COL5A2: variants seen among roughly 807,000 people sequenced by gnomAD.
COL5A2 encodes the protein collagen alpha-2(V) chain.
COL5A2 carries 23 observed loss-of-function variants against 208.2 expected under a neutral mutation model. The ratio of observed to expected loss-of-function variants is 0.11; its 90% CI spans 0.08 to 0.16. The LOEUF is 0.16. COL5A2 is among the 10% of genes least tolerant of loss of function. The pLI is 1.00. For synonymous variants in COL5A2, 625 were observed against 628.5 expected (o/e 0.99, Z 0.08); for missense variants, 1,590 against 1,956.4 (o/e 0.81, Z 3.53).
intron 8 of COL5A2, among the ~76,000 whole-genome samples, chr2:189,087,535 C>A (rs953251738): frequency 2.0e-5 from 3 of 151,824 alleles, no homozygotes; most frequent in Non-Finnish European, 4.4e-5. Context: ...GCGACCTGGG[C>A]TCACTGCAAG....
At chr2:189,221,709 T>C (rs1234722754) in intron 1 of COL5A2, among the ~76,000 whole-genome samples, 5 of 152,076 alleles carry the variant, frequency 3.3e-5, no homozygotes, top group African/African-American at 1.2e-4. Context: ...TCTTGACCCT[T>C]GCAAAGAAAG....
intron 1 of COL5A2, among the ~76,000 whole-genome samples, chr2:189,117,129 C>T (rs1026427793): frequency 5.9e-5 from 9 of 151,934 alleles, no homozygotes; most frequent in African/African-American, 2.2e-4. Flanking sequence ...AGTTTTTTTC[C>T]ATGTATCATT....
chr2:189,139,478 A>G (rs1687893653), intron 1 of COL5A2, among the ~76,000 whole-genome samples: 1 of 152,120 alleles, frequency 6.6e-6, no homozygotes, highest in Non-Finnish European at 1.5e-5. Context: ...AATCCTAAAA[A>G]ACAAGGAATG....
chr2:189,058,868 A>G lies in COL5A2; in HGVS notation c.2111T>C (p.Val704Ala), dbSNP rs542643688. The change falls in exon 32 of 54, where the codon GTT becomes GCT. Residue 704 changes from valine to alanine, a missense_variant. Val to Ala is a moderately conservative substitution (Grantham distance 64). Coordinates refer to ENST00000374866, the MANE Select transcript of COL5A2 (RefSeq NM_000393.5). ...ACTTACTCTAGGTCCTAACGGGCCA[A>G]CTGCTCCGGGATCTCCAGGAACACC... is the stretch of plus-strand genomic sequence containing the variant. ...DQGVPGDPGAVGPLGPRGERG... is the reference protein window; with the variant it reads ...DQGVPGDPGAAGPLGPRGERG... The G allele has an allele frequency of 3.9e-5, 63 of 1,613,200 alleles. No homozygotes were observed. In the African/African-American group the frequency reaches 7.1e-4, roughly 18 times the overall value.
chr2:189,402,960 G>A, the COL5A2 span, among the ~76,000 whole-genome samples: 1 of 152,108 alleles, frequency 6.6e-6, no homozygotes, highest in African/African-American at 2.4e-5. Flanking sequence ...GTCAATGGTC[G>A]TTTAAAGGGA....
At position 189,039,405 on chromosome 2, in the gene COL5A2, C is replaced by T. The variant is rs773058827; in HGVS notation, c.3792G>A (p.Thr1264=). The change falls in exon 51 of 54, where the codon ACG becomes ACA. Residue 1264 remains threonine (T), a synonymous_variant. Transcript: ENST00000374866. The stretch of plus-strand genomic sequence containing the variant: ...TCAGGGTAGCATGAACCCCTGGGTC[C>T]GTTTTGTTTTTGTCATCAGGAGCCG... ...DQAAPDDKNK[T]DPGVHATLKS... is the part of the protein sequence containing the mutation. 1.8e-5 allele frequency: 29 copies of T among 1,613,798 alleles called. No individual in the cohort carries two copies. The highest frequency in any genetic ancestry group is 4.0e-5 in the African/African-American group (3 of 74,810).
the COL5A2 span, among the ~76,000 whole-genome samples, chr2:189,300,600 T>C: frequency 1.3e-5 from 2 of 152,078 alleles, no homozygotes; most frequent in East Asian, 1.9e-4. Context: ...GGAGGAGAAA[T>C]AGACATGTCC....
chr2:189,181,872 G>T (rs965849630), upstream of COL5A2, among the ~76,000 whole-genome samples: 1 of 152,140 alleles, frequency 6.6e-6, no homozygotes, highest in African/African-American at 2.4e-5. Flanking sequence ...GTCTCTCATG[G>T]TTGCCACCAG....
chr2:189,249,805 T>G, the COL5A2 span, among the ~76,000 whole-genome samples: 29 of 152,272 alleles, frequency 1.9e-4, no homozygotes, highest in Non-Finnish European at 3.7e-4. Flanking sequence ...CAACTGATTC[T>G]CCTACCTCAG....
intron 1 of COL5A2, among the ~76,000 whole-genome samples, chr2:189,150,610 A>T (rs921966352): frequency 1.5e-4 from 23 of 152,174 alleles, no homozygotes; most frequent in Admixed American, 1.0e-3. Flanking sequence ...GGATTTCTTG[A>T]TATAACCTCC....
intron 1 of COL5A2, among the ~76,000 whole-genome samples, chr2:189,190,500 C>T (rs909878288): frequency 3.3e-5 from 5 of 152,180 alleles, no homozygotes; most frequent in Non-Finnish European, 2.9e-5. Context: ...AATTTATACA[C>T]ATTTATTTGT....
chr2:189,427,422 G>A, the COL5A2 span, among the ~76,000 whole-genome samples: 10 of 152,264 alleles, frequency 6.6e-5, no homozygotes, highest in South Asian at 4.1e-4. Flanking sequence ...GAGCCCTCAC[G>A]GAGACCCTTT....
chr2:189,209,128 T>C (rs1418519218), intron 1 of COL5A2, among the ~76,000 whole-genome samples: 2 of 152,184 alleles, frequency 1.3e-5, no homozygotes, highest in Non-Finnish European at 2.9e-5. Context: ...ATATAGGTGG[T>C]AGAAGCTTCT....
chr2:189,337,393 C>A, the COL5A2 span, among the ~76,000 whole-genome samples: 1 of 151,650 alleles, frequency 6.6e-6, no homozygotes, highest in African/African-American at 2.4e-5. Flanking sequence ...CGTTTTAGCC[C>A]GGATGGTCTC....
At chr2:189,409,792 T>A in the COL5A2 span, among the ~76,000 whole-genome samples, 1 of 152,318 alleles carries the variant, frequency 6.6e-6, no homozygotes, top group African/African-American at 2.4e-5. Flanking sequence ...TGTTTATGTA[T>A]GAAATCACTC....
At chr2:189,098,902 T>A (rs1686976882) in intron 4 of COL5A2, 143 bp from the exon 5 acceptor site, 3 of 654,552 alleles carry the variant, frequency 4.6e-6, no homozygotes, top group African/African-American at 1.8e-5. Flanking sequence ...CATTTCCTCC[T>A]CTCCTTAAGA....
the COL5A2 span, among the ~76,000 whole-genome samples, chr2:189,232,338 C>G: frequency 6.6e-6 from 1 of 151,610 alleles, no homozygotes; most frequent in Non-Finnish European, 1.5e-5. Flanking sequence ...GCCATTTCTT[C>G]CATACCTCAC....
chr2:189,065,552 G>A (rs537289272), intron 23 of COL5A2, among the ~76,000 whole-genome samples: 4 of 152,086 alleles, frequency 2.6e-5, no homozygotes, highest in Admixed American at 2.0e-4. Context: ...AGAAAGGAAG[G>A]AAGGAAGCAA....
chr2:189,371,937 G>C, the COL5A2 span, among the ~76,000 whole-genome samples: 2 of 152,178 alleles, frequency 1.3e-5, no homozygotes, highest in Admixed American at 1.3e-4. Flanking sequence ...CAAGATAATG[G>C]GGAAAAGGCC....
Sources: gnomAD v4.1 joint callset for allele counts (sites outside exome capture counted in the v4.1 genomes callset) on GRCh38, gnomAD v4.1.1 for gene constraint, MANE v1.5 for transcripts, NCBI Gene and HGNC (gene_info 2026-07-23, HGNC 2026-07-21) for gene names.